The following GRIK1 variants were observed in gnomAD, a reference collection of about 807,000 sequenced individuals.
GRIK1 encodes the protein glutamate receptor ionotropic, kainate 1.
Under a neutral mutation model 105.7 loss-of-function variants are expected in GRIK1, and 69 were observed. That is an observed-to-expected ratio of 0.65 (90% CI 0.54 to 0.80). The LOEUF is 0.80. Among genes scored for constraint, GRIK1 ranks in the 30% least tolerant of loss-of-function variants. The pLI is 0.00. For synonymous variants in GRIK1, 438 were observed against 431.3 expected (o/e 1.02, Z -0.19); for missense variants, 1,109 against 1,167.3 (o/e 0.95, Z 0.73).
chr21:29,854,705 T>C (rs1399699670), intron 1 of GRIK1, among the ~76,000 whole-genome samples: 2 of 152,168 alleles, frequency 1.3e-5, no homozygotes, highest in Non-Finnish European at 1.5e-5. Context: ...TTTGCTTTAG[T>C]TGCACTCAGG....
At chr21:29,758,002 C>A (rs1193258857) in intron 1 of GRIK1, among the ~76,000 whole-genome samples, 1 of 152,200 alleles carries the variant, frequency 6.6e-6, no homozygotes, top group East Asian at 1.9e-4. Context: ...AGAAATTTAT[C>A]TTTTGCTCTA....
chr21:29,688,657 A>C (rs1289432324), intron 3 of GRIK1, among the ~76,000 whole-genome samples: 1 of 152,240 alleles, frequency 6.6e-6, no homozygotes, highest in Non-Finnish European at 1.5e-5. Flanking sequence ...AGAAATTTCC[A>C]GTCTTACAGA....
intron 1 of GRIK1, among the ~76,000 whole-genome samples, chr21:29,727,329 A>G (rs1275574081): frequency 6.6e-6 from 1 of 152,214 alleles, no homozygotes; most frequent in Admixed American, 6.5e-5. Flanking sequence ...TTTGTTTATC[A>G]CATTGTTTTT....
chr21:29,830,732 A>G (rs191907856), intron 1 of GRIK1, among the ~76,000 whole-genome samples: 51 of 152,286 alleles, frequency 3.3e-4, no homozygotes, highest in Non-Finnish European at 6.5e-4. Context: ...ATTTACTGCT[A>G]TAGAAATAAT....
chr21:29,560,315 C>CTTTA (rs2090370931), intron 15 of GRIK1, among the ~76,000 whole-genome samples: 1 of 116,350 alleles, frequency 8.6e-6, no homozygotes, highest in Admixed American at 9.2e-5. Flanking sequence ...TTCTTTCTTT[C>CTTTA]TTTCTTTCTT....
At chr21:29,677,977 T>C (rs752774869) in intron 3 of GRIK1, among the ~76,000 whole-genome samples, 14 of 152,354 alleles carry the variant, frequency 9.2e-5, no homozygotes, top group Non-Finnish European at 8.8e-5. Flanking sequence ...TAGCTATCTT[T>C]AATGAGTCTC....
At position 29,642,912 on chromosome 21, in the gene GRIK1, C is replaced by T. The variant is rs1377617652; in HGVS notation, c.1012G>A (p.Ala338Thr). Residue 338 changes from alanine (A) to threonine (T), a missense_variant, in exon 7 of 18, where the codon GCA becomes ACA. Physicochemically the swap from Ala to Thr is moderately conservative, Grantham distance 58. Coordinates refer to ENST00000327783, the MANE Select transcript of GRIK1 (RefSeq NM_001330994.2). ...AGGGAGCTGACGGTCAGCTGGGATG[C>T]CCGGTGCGAGGCAATGGCCACCATG... Reference protein sequence around the residue: ...VYMVAIASHRASQLTVSSLQC... With the variant: ...VYMVAIASHRTSQLTVSSLQC... 6.2e-7 allele frequency: 1 copy of T among 1,613,698 alleles called. No homozygotes were observed. The highest frequency in any genetic ancestry group is 8.5e-7 in the Non-Finnish European group (1 of 1,179,596).
chr21:29,740,750 T>C (rs2064906517), intron 1 of GRIK1, among the ~76,000 whole-genome samples: 1 of 152,196 alleles, frequency 6.6e-6, no homozygotes, highest in Admixed American at 6.5e-5. Context: ...TTGAAAGTGC[T>C]CAACCTGCTA....
At chr21:29,803,367 T>G (rs1425504404) in intron 1 of GRIK1, among the ~76,000 whole-genome samples, 2 of 152,210 alleles carry the variant, frequency 1.3e-5, no homozygotes, top group Admixed American at 1.3e-4. Flanking sequence ...GCCAAAGTAA[T>G]CAGCAATTAT....
chr21:29,747,564 C>T (rs1484956081), intron 1 of GRIK1, among the ~76,000 whole-genome samples: 1 of 152,176 alleles, frequency 6.6e-6, no homozygotes, highest in Non-Finnish European at 1.5e-5. Context: ...GGCCGGGTGG[C>T]TCACACCTAT....
intron 1 of GRIK1, among the ~76,000 whole-genome samples, chr21:29,736,982 C>T (rs1195587704): frequency 6.6e-6 from 1 of 152,080 alleles, no homozygotes; most frequent in Non-Finnish European, 1.5e-5. Context: ...CTCAACCCGA[C>T]ATTTTCATTA....
intron 1 of GRIK1, among the ~76,000 whole-genome samples, chr21:29,871,047 C>T (rs559747524): frequency 2.6e-5 from 4 of 152,266 alleles, no homozygotes; most frequent in South Asian, 2.1e-4. Context: ...CTTCTACCTC[C>T]GGTCTGTCCT....
At position 29,587,413 on chromosome 21, in the gene GRIK1, C is replaced by G. The variant is rs376906560; in HGVS notation, c.1746G>C (p.Val582=). ...NPLSPDIWMY[V]LLACLGVSCV... ...AGCTGACTCCCAAGCAGGCTAAGAG[C>G]ACATACATCCAAATATCTGGAGACA... is the stretch of plus-strand genomic sequence containing the variant. The change falls in exon 12 of 18, where the codon GTG becomes GTC. Residue 582 remains valine, a synonymous_variant. Coordinates refer to ENST00000327783, the MANE Select transcript of GRIK1 (RefSeq NM_001330994.2). The G allele has an allele frequency of 5.8e-5, 94 of 1,613,718 alleles. 3 individuals are homozygous for G. In the South Asian group the frequency reaches 8.6e-4, roughly 15 times the overall value.
chr21:29,865,927 G>A (rs2068787071), intron 1 of GRIK1, among the ~76,000 whole-genome samples: 1 of 152,174 alleles, frequency 6.6e-6, no homozygotes, highest in Admixed American at 6.5e-5. Flanking sequence ...TGTCTTGGTA[G>A]GCTTGTTAGA....
At chr21:29,772,343 T>C (rs2065833582) in intron 1 of GRIK1, among the ~76,000 whole-genome samples, 1 of 152,226 alleles carries the variant, frequency 6.6e-6, no homozygotes, top group South Asian at 2.1e-4. Flanking sequence ...AAAATAGTTT[T>C]TGAAAGTGTG....
chr21:29,546,103 A>G (rs1351734891), intron 16 of GRIK1, among the ~76,000 whole-genome samples: 1 of 152,084 alleles, frequency 6.6e-6, no homozygotes, highest in Non-Finnish European at 1.5e-5. Context: ...CTAGGTCATG[A>G]ACACTGATTT....
At chr21:29,659,008 A>G (rs891289783) in intron 4 of GRIK1, among the ~76,000 whole-genome samples, 1 of 152,202 alleles carries the variant, frequency 6.6e-6, no homozygotes, top group African/African-American at 2.4e-5. Context: ...TTTGATTGCT[A>G]GGAGGTTTAG....
intron 7 of GRIK1, among the ~76,000 whole-genome samples, chr21:29,622,549 T>C (rs1477285331): frequency 1.3e-5 from 2 of 152,186 alleles, no homozygotes; most frequent in South Asian, 2.1e-4. Flanking sequence ...GGTTCTGAGA[T>C]GCCAGGGAGA....
chr21:29,770,494 A>AT (rs1391448488), intron 1 of GRIK1, among the ~76,000 whole-genome samples: 3 of 152,206 alleles, frequency 2.0e-5, no homozygotes, highest in Non-Finnish European at 4.4e-5. Flanking sequence ...AAACATGCAC[A>AT]TGTAGCCACC....
Sources: allele counts gnomAD v4.1 joint callset (sites outside exome capture counted in the v4.1 genomes callset), GRCh38; gene constraint gnomAD v4.1.1; transcripts MANE v1.5; gene names NCBI Gene and HGNC (gene_info 2026-07-23, HGNC 2026-07-21).